The following PPM1A variants were observed in gnomAD, a reference collection of about 807,000 sequenced individuals.
PPM1A encodes the protein protein phosphatase, Mg2+/Mn2+ dependent 1A.
In PPM1A, 7 loss-of-function variants were observed where a neutral mutation model predicts 35.0. The observed-to-expected ratio is 0.20, with a 90% CI of 0.11 to 0.38. PPM1A has a LOEUF of 0.38. Among genes scored for constraint, PPM1A ranks in the 10% least tolerant of loss-of-function variants. The probability of loss-of-function intolerance (pLI) is 1.00; values close to 1 mark genes in which losing one functional copy is unlikely to be tolerated. For synonymous variants in PPM1A, 153 were observed against 167.3 expected, an observed-to-expected ratio of 0.91 and a Z score of 0.66; for missense variants, 239 against 467.8, an observed-to-expected ratio of 0.51 and a Z score of 4.51.
intron 1 of PPM1A, among the ~76,000 whole-genome samples, chr14:60,258,923 A>T (rs1388075279): frequency 2.0e-5 from 3 of 152,114 alleles, no homozygotes; most frequent in Non-Finnish European, 4.4e-5. Context: ...GAAATAGAGG[A>T]TTCTATGAGC....
At chr14:60,272,533 C>T (rs1203941079) in intron 1 of PPM1A, among the ~76,000 whole-genome samples, 1 of 151,700 alleles carries the variant, frequency 6.6e-6, no homozygotes, top group African/African-American at 2.4e-5. Flanking sequence ...ATGATGAATC[C>T]CCATCTCTAC....
Position 60,284,924 on chromosome 14 carries a change from A to G in PPM1A, c.835-700A>G, listed in dbSNP as rs1376535790. Among the ~76,000 whole-genome samples the G allele has an allele frequency of 2.6e-5, 4 of 151,450 alleles. No homozygotes were observed. The East Asian group carries it at 7.7e-4, about 29-fold the overall frequency. ...ATAATGCTTATTAACTTATTCTTTG[A>G]TGTTTTTTTAAACAAATGTTGACTT... On this transcript the variant is annotated intron_variant, in intron 2 of 5. Coordinates refer to ENST00000395076, the MANE Select transcript of PPM1A (RefSeq NM_021003.5).
At chr14:60,256,430 TA>T (rs1222264691) in intron 1 of PPM1A, among the ~76,000 whole-genome samples, 1 of 150,270 alleles carries the variant, frequency 6.7e-6, no homozygotes, top group Non-Finnish European at 1.5e-5. Context: ...AGACATCGTC[TA>T]AAAAAAAAGA....
At chr14:60,248,447 C>A (rs1326491319), upstream of PPM1A, among the ~76,000 whole-genome samples, 1 of 152,222 alleles carries the variant, frequency 6.6e-6, no homozygotes, top group Non-Finnish European at 1.5e-5. Context: ...AAACTCAGAG[C>A]ATGTGCCCCG....
At chr14:60,279,642 CCT>C (rs796435815) in intron 1 of PPM1A, among the ~76,000 whole-genome samples, 90 of 152,284 alleles carry the variant, frequency 5.9e-4, no homozygotes, top group African/African-American at 2.0e-3. Context: ...AATTTAAACT[CCT>C]ATCGGCACTC....
At chr14:60,286,070 G>T in intron 3 of PPM1A, 4 of 1,005,346 alleles carry the variant, frequency 4.0e-6, no homozygotes, top group Non-Finnish European at 4.7e-6. Context: ...CTGATTTGTG[G>T]TCTATTTAAT....
At chr14:60,277,343 C>G (rs955699074) in intron 1 of PPM1A, 1 of 152,338 alleles carries the variant, frequency 6.6e-6, no homozygotes, top group African/African-American at 2.4e-5. Context: ...CAGGACTCTA[C>G]AAATTGCTCA....
intron 3 of PPM1A, chr14:60,288,460 T>C (rs1887271938): frequency 1.0e-6 from 1 of 983,494 alleles, no homozygotes; most frequent in African/African-American, 1.7e-5. Flanking sequence ...ATCAAATCCC[T>C]TTATTTTTGT....
rs1053422550 is a variant in PPM1A, at chr14:60,273,887, G to A, written c.-20-8797G>A. Among the ~76,000 whole-genome samples, 8 of 152,126 alleles carry A rather than the reference G, an allele frequency of 5.3e-5. No homozygotes were observed. Among genetic ancestry groups the A allele is most frequent in the African/African-American group, 1.9e-4 (8 of 41,422 alleles). On this transcript the variant is annotated intron_variant, in intron 1 of 5. Transcript: ENST00000395076. The surrounding 1 kb of genome is among the most constrained non-coding windows in gnomAD (Gnocchi z 4.3). Reference sequence around the variant, plus strand: ...TTGCTATATTGCCTAGGCTGGTCTTGAACTCCTGGATTCAAGCAATCTTAC... The same window carrying A: ...TTGCTATATTGCCTAGGCTGGTCTTAAACTCCTGGATTCAAGCAATCTTAC...
At chr14:60,281,568 C>G (rs1380917451) in intron 1 of PPM1A, among the ~76,000 whole-genome samples, 1 of 152,188 alleles carries the variant, frequency 6.6e-6, no homozygotes, top group Non-Finnish European at 1.5e-5. Context: ...CTCTTCACCT[C>G]CATTAAATCT....
chr14:60,288,580 G>C (rs1887281581), intron 3 of PPM1A: 2 of 972,938 alleles, frequency 2.1e-6, no homozygotes, highest in Non-Finnish European at 2.4e-6. Flanking sequence ...TTTTTGTTCA[G>C]ATTTAAGACT....
chr14:60,285,419 A>G (rs1264272536), intron 2 of PPM1A, among the ~76,000 whole-genome samples: 1 of 152,182 alleles, frequency 6.6e-6, no homozygotes, highest in African/African-American at 2.4e-5. Context: ...TATTGGTTAT[A>G]CTGTATTCTC....
chr14:60,290,272 T>G (rs1377730161), intron 4 of PPM1A, among the ~76,000 whole-genome samples: 1 of 152,172 alleles, frequency 6.6e-6, no homozygotes, highest in Non-Finnish European at 1.5e-5. Flanking sequence ...TATAATTTGA[T>G]TTGGTCAATC....
rs908530157 is a variant in PPM1A at position 60,264,011 on chromosome 14, T to C, written c.-21+14334T>C. ...TTTCCTTTTTATACTCAATAACTTGTTTAATTAGCCAGTATTTTTACCAGT... is the reference window on the plus strand; with the variant it reads ...TTTCCTTTTTATACTCAATAACTTGCTTAATTAGCCAGTATTTTTACCAGT... On this transcript the variant is annotated intron_variant, in intron 1 of 5. Transcript: ENST00000395076. Among the ~76,000 whole-genome samples, 5 of 152,234 alleles carry C rather than the reference T, an allele frequency of 3.3e-5. No homozygotes were observed. In the South Asian group the frequency reaches 1.0e-3, roughly 31 times the overall value.
intron 1 of PPM1A, among the ~76,000 whole-genome samples, chr14:60,280,258 C>T (rs1165845278): frequency 6.6e-6 from 1 of 152,212 alleles, no homozygotes; most frequent in African/African-American, 2.4e-5. Flanking sequence ...CCCACCTCGG[C>T]CTCCTAAAGT....
At chr14:60,278,356 ACTT>A (rs1308045961) in intron 1 of PPM1A, among the ~76,000 whole-genome samples, 1 of 107,726 alleles carries the variant, frequency 9.3e-6, no homozygotes, top group Non-Finnish European at 1.9e-5. Flanking sequence ...TTTTTTTTTG[ACTT>A]CTTAGTACAG....
At chr14:60,245,976 A>G, upstream of PPM1A, 1 of 1,577,826 alleles carries the variant, frequency 6.3e-7, no homozygotes, top group South Asian at 1.2e-5. The surrounding 1 kb of genome is among the most constrained non-coding windows in gnomAD (Gnocchi z 4.2). Flanking sequence ...AAAAGGGAGG[A>G]GAGAGAAGGA....
rs1887729699 is a variant in PPM1A at position 60,292,400 on chromosome 14, T to C, written c.1120-53T>C. ...CCATTATCCAGAAAGTATGGTGTATTTTGGCACCGCTAAATTTTAACGTTG... is the reference window on the plus strand; with the variant it reads ...CCATTATCCAGAAAGTATGGTGTATCTTGGCACCGCTAAATTTTAACGTTG... On this transcript the variant is annotated intron_variant, in intron 5 of 5. Transcript: ENST00000395076. This position sits in a 1 kb window ranked among gnomAD's most constrained non-coding sequence, Gnocchi z 4.2. 1 of 1,372,364 alleles carries C rather than the reference T, an allele frequency of 7.3e-7. No homozygotes were observed. The allele number at this position is 1,372,364 out of a possible 1,614,324, so 85.0% of individuals were successfully genotyped here.
chr14:60,264,813 T>C (rs887670407), intron 1 of PPM1A, among the ~76,000 whole-genome samples: 2 of 152,222 alleles, frequency 1.3e-5, no homozygotes, highest in African/African-American at 2.4e-5. Context: ...TTTTTTTAAA[T>C]ATTCAGGCTG....
Sources: allele counts gnomAD v4.1 joint callset (sites outside exome capture counted in the v4.1 genomes callset), GRCh38; gene constraint gnomAD v4.1.1; non-coding constraint Gnocchi (gnomAD v3.1); transcripts MANE v1.5; gene names NCBI Gene and HGNC (gene_info 2026-07-23, HGNC 2026-07-21).